The following TMEM59L variants were observed in gnomAD, a reference collection of about 807,000 sequenced individuals.
TMEM59L encodes the protein transmembrane protein 59-like.
A neutral mutation model predicts 39.6 loss-of-function variants in TMEM59L; 31 were observed. The ratio of observed to expected loss-of-function variants is 0.78; its 90% CI spans 0.59 to 1.06. TMEM59L has a LOEUF of 1.06. Ranked by LOEUF, TMEM59L falls within the 50% of genes least tolerant of loss-of-function variation. The pLI is 0.00. For missense variants in TMEM59L, 441 were observed against 451.3 expected, an observed-to-expected ratio of 0.98 and a Z score of 0.21; for synonymous variants, 219 against 202.9, an observed-to-expected ratio of 1.08 and a Z score of -0.68.
chr19:18,617,203 T>G, intron 5 of TMEM59L, 101 bp downstream of exon 5: 1 of 881,130 alleles, frequency 1.1e-6, no homozygotes, highest in Non-Finnish European at 1.9e-6. Context: ...TCTCCATCTC[T>G]CAAGTCCTGG....
In TMEM59L at chr19:18,616,143, G is replaced by C. The variant is rs1976425241; in HGVS notation, c.561+16G>C. ...GGTGTTTCAGGTGAGACCTCTGACAGGGGCCACGCCAGAGTGGCAGATGGG... is the reference window on the plus strand; with the variant it reads ...GGTGTTTCAGGTGAGACCTCTGACACGGGCCACGCCAGAGTGGCAGATGGG... On this transcript the variant is annotated intron_variant, in intron 4 of 7. Coordinates refer to ENST00000262817, the MANE Select transcript of TMEM59L (RefSeq NM_012109.3). The C allele has an allele frequency of 6.2e-7, 1 of 1,613,296 alleles. No homozygotes were observed. Among genetic ancestry groups the C allele is most frequent in the Admixed American group, 1.7e-5 (1 of 59,986 alleles).
chr19:18,614,268 A>G, intron 3 of TMEM59L, 73 bp downstream of exon 3: 1 of 1,486,834 alleles, frequency 6.7e-7, no homozygotes, highest in South Asian at 1.2e-5. Flanking sequence ...GGAAATCTTC[A>G]TTCACGTGCA....
At chr19:18,614,734 C>A (rs576701164) in intron 3 of TMEM59L, among the ~76,000 whole-genome samples, 1 of 152,218 alleles carries the variant, frequency 6.6e-6, no homozygotes, top group African/African-American at 2.4e-5. Context: ...AGGCTTGCCT[C>A]GCAAGCACGC....
chr19:18,618,673 G>GTATATA (rs71339270), intron 7 of TMEM59L, among the ~76,000 whole-genome samples, 181 bp downstream of exon 7: 1 of 69,002 alleles, frequency 1.4e-5, no homozygotes, highest in African/African-American at 3.7e-5. Context: ...GTGTGTGTGT[G>GTATATA]TATATATATA....
At chr19:18,620,352 TG>T in intron 7 of TMEM59L, 55 bp from the exon 8 acceptor site, 4 of 1,522,556 alleles carry the variant, frequency 2.6e-6, no homozygotes, top group Non-Finnish European at 3.6e-6. Flanking sequence ...CAGTCAGGGT[TG>T]GGGGCTCGGC....
At chr19:18,613,363 C>T (rs1300198420) in intron 1 of TMEM59L, among the ~76,000 whole-genome samples, 1 of 152,056 alleles carries the variant, frequency 6.6e-6, no homozygotes, top group Non-Finnish European at 1.5e-5. Flanking sequence ...TACCACCTCC[C>T]GGGCTCCTTC....
In TMEM59L at chr19:18,614,107, G is replaced by A; in HGVS notation, c.320G>A (p.Cys107Tyr). The A allele has an allele frequency of 1.2e-6, 2 of 1,612,214 alleles. No homozygotes were observed. Among genetic ancestry groups the A allele is most frequent in the Non-Finnish European group, 1.7e-6 (2 of 1,179,714 alleles). ...NATQTECEAA[C>Y]VEAYVKEAEQ... ...CACCCGCTCCCACCTCCCACAGCCT[G>A]CGTGGAAGCCTATGTGAAGGAGGCA... Residue 107 changes from cysteine to tyrosine, a missense_variant, in exon 3 of 8, where the codon TGC becomes TAC. By Grantham distance (194) the Cys-to-Tyr change is radical. Coordinates refer to ENST00000262817, the MANE Select transcript of TMEM59L (RefSeq NM_012109.3).
Position 18,618,468 on chromosome 19 carries a change from G to T in TMEM59L, c.876G>T (p.Ala292=). The change falls in exon 7 of 8, where the codon GCG becomes GCT. Residue 292 remains alanine, a synonymous_variant. Coordinates refer to ENST00000262817, the MANE Select transcript of TMEM59L (RefSeq NM_012109.3). The part of the protein sequence containing the change: ...LWLSCSTLVT[A]PGQHLKFQPL... ...TGAGCTGCTCCACCCTGGTGACCGC[G>T]CCTGGCCAGCACCTCAAGTTCCAGG... 6.2e-7 allele frequency: 1 copy of T among 1,604,408 alleles called. No homozygotes were observed. Among genetic ancestry groups the T allele is most frequent in the Admixed American group, 1.7e-5 (1 of 59,008 alleles).
intron 5 of TMEM59L, 155 bp downstream of exon 5, chr19:18,617,257 G>T (rs138243271): frequency 4.3e-4 from 300 of 702,058 alleles, no homozygotes; most frequent in African/African-American, 4.2e-3. Context: ...TATTTCCCAG[G>T]GTTCCATGGT....
chr19:18,614,506 A>G (rs759941114), intron 3 of TMEM59L, among the ~76,000 whole-genome samples: 1 of 152,208 alleles, frequency 6.6e-6, no homozygotes, highest in Non-Finnish European at 1.5e-5. Flanking sequence ...ACAAAGGACA[A>G]TGTCACCCCC....
In TMEM59L at chr19:18,616,582, G is replaced by A. The variant is rs535349925; in HGVS notation, c.562-418G>A. 1.2e-4 allele frequency among the ~76,000 whole-genome samples: 19 copies of A among 152,144 alleles called. No individual in the cohort carries two copies. The South Asian group carries it at 1.5e-3, about 12-fold the overall frequency. ...TAATTTTTGTATTTTTAGTGGAGAC[G>A]GGGTTTCGCCATGTTGGCCAGGCTG... On this transcript the variant is annotated intron_variant, in intron 4 of 7. Coordinates refer to ENST00000262817, the MANE Select transcript of TMEM59L (RefSeq NM_012109.3).
At position 18,620,416 on chromosome 19, in the gene TMEM59L, C is replaced by G. The variant is rs139135272; in HGVS notation, c.909C>G (p.Thr303=). 10 of 1,612,252 alleles carry G rather than the reference C, an allele frequency of 6.2e-6. No homozygotes were observed. In the African/African-American group the frequency reaches 8.0e-5, roughly 13 times the overall value. Residue 303 remains threonine, a synonymous_variant, in exon 8 of 8, where the codon ACC becomes ACG. Transcript: ENST00000262817. ...CCCCTCTCTTCCTGCAGCCTCTGAC[C>G]CTGGAGCAGCACAAGGGCTTCATGA... is the stretch of plus-strand genomic sequence containing the variant. ...PGQHLKFQPL[T]LEQHKGFMME...
intron 5 of TMEM59L, 27 bp from the exon 6 acceptor site, chr19:18,618,128 G>A: frequency 6.4e-7 from 1 of 1,574,036 alleles, no homozygotes; most frequent in Non-Finnish European, 8.7e-7. Flanking sequence ...AGACCTGGTG[G>A]TCGCTGAGTG....
intron 5 of TMEM59L, 21 bp from the exon 6 acceptor site, chr19:18,618,134 G>C (rs759913202): frequency 1.3e-6 from 2 of 1,592,172 alleles, no homozygotes; most frequent in African/African-American, 1.3e-5. Context: ...GGTGGTCGCT[G>C]AGTGGCAGCT....
chr19:18,616,788 A>C (rs1976432772), intron 4 of TMEM59L, among the ~76,000 whole-genome samples: 1 of 152,172 alleles, frequency 6.6e-6, no homozygotes, highest in Non-Finnish European at 1.5e-5. Flanking sequence ...GGTCTGGATC[A>C]TGTTCCTACT....
chr19:18,618,167 C>T lies in TMEM59L; in HGVS notation c.677C>T (p.Pro226Leu). The change falls in exon 6 of 8, where the codon CCC becomes CTC. Residue 226 changes from proline to leucine, a missense_variant. Coordinates refer to ENST00000262817, the MANE Select transcript of TMEM59L (RefSeq NM_012109.3). ...ALEVHVDPVG[P>L]LDKVRKAKIR... ...GCTGATCTCTCAGACCCTGTAGGCC[C>T]CCTGGACAAGGTGAGGAAGGCCAAG... 6.2e-7 allele frequency: 1 copy of T among 1,613,846 alleles called. No individual in the cohort carries two copies. Among genetic ancestry groups the T allele is most frequent in the South Asian group, 1.1e-5 (1 of 91,074 alleles).
rs1197667537 is a variant in TMEM59L, at chr19:18,614,030, G to A, written c.316+14G>A. ...AGTGTGAAGCAGGTGAGGGCCCGCCGGCAGGGTGGGCCAGCGTGGGGAGAG... is the reference window on the plus strand; with the variant it reads ...AGTGTGAAGCAGGTGAGGGCCCGCCAGCAGGGTGGGCCAGCGTGGGGAGAG... On this transcript the variant is annotated intron_variant, in intron 2 of 7. Transcript: ENST00000262817. 1.9e-6 allele frequency: 3 copies of A among 1,613,184 alleles called. No individual in the cohort carries two copies. The highest frequency in any genetic ancestry group is 1.7e-5 in the Admixed American group (1 of 60,022).
At chr19:18,617,467 C>A (rs999769569) in intron 5 of TMEM59L, 8 of 468,012 alleles carry the variant, frequency 1.7e-5, no homozygotes, top group African/African-American at 1.4e-4. Flanking sequence ...CTGTGGTCCA[C>A]CTCCCAGGGA....
chr19:18,616,599 G>A (rs1976430857), intron 4 of TMEM59L, among the ~76,000 whole-genome samples: 1 of 152,028 alleles, frequency 6.6e-6, no homozygotes, highest in South Asian at 2.1e-4. Flanking sequence ...CGCCATGTTG[G>A]CCAGGCTGGT....
Sources: allele counts gnomAD v4.1 joint callset (sites outside exome capture counted in the v4.1 genomes callset), GRCh38; gene constraint gnomAD v4.1.1; transcripts MANE v1.5; gene names NCBI Gene and HGNC (gene_info 2026-07-23, HGNC 2026-07-21).